NEURL1: variants seen among roughly 807,000 people sequenced by gnomAD.
NEURL1 encodes neuralized E3 ubiquitin protein ligase 1.
In NEURL1, 26 loss-of-function variants were observed where a neutral mutation model predicts 41.2. That is an observed-to-expected ratio of 0.63 (90% CI 0.46 to 0.87). NEURL1 has a LOEUF of 0.87. Among genes scored for constraint, NEURL1 ranks in the 40% least tolerant of loss-of-function variants. The probability of loss-of-function intolerance (pLI) is 0.00; values close to 1 mark genes in which losing one functional copy is unlikely to be tolerated. For missense variants in NEURL1, 761 were observed against 871.1 expected (o/e 0.87, Z 1.59); for synonymous variants, 400 against 402.3 (o/e 0.99, Z 0.07).
rs2133884834 is a variant in NEURL1 at position 103,584,579 on chromosome 10, C to T, written c.693C>T (p.Phe231=). ...VLPDCLRPRS[F]TALRRPSLRR... ...CGGACTGTCTGCGGCCGCGCTCCTTCACCGCCCTGCGGCGGCCGTCGCTGC... is the reference window on the plus strand; with the variant it reads ...CGGACTGTCTGCGGCCGCGCTCCTTTACCGCCCTGCGGCGGCCGTCGCTGC... The change falls in exon 4 of 6, where the codon TTC becomes TTT. Residue 231 remains phenylalanine (F), a synonymous_variant. Coordinates refer to ENST00000369780, the MANE Select transcript of NEURL1 (RefSeq NM_004210.5). The T allele has an allele frequency of 7.1e-7, 1 of 1,417,944 alleles. No individual in the cohort carries two copies. The allele number at this position is 1,417,944 out of a possible 1,614,324, so 87.8% of individuals were successfully genotyped here. A position where few individuals can be genotyped will look rare whatever the true frequency, so the allele number is the denominator to read the frequency against.
At chr10:103,580,681 A>C (rs879858332) in intron 3 of NEURL1, among the ~76,000 whole-genome samples, 15 of 152,134 alleles carry the variant, frequency 9.9e-5, no homozygotes, top group Non-Finnish European at 2.2e-4. Flanking sequence ...GGCTGCCTGC[A>C]GCTGCTCCTG....
intron 1 of NEURL1, among the ~76,000 whole-genome samples, chr10:103,515,611 T>C: frequency 6.6e-6 from 1 of 152,368 alleles, no homozygotes; most frequent in Non-Finnish European, 1.5e-5. Context: ...TCAGTGAGAC[T>C]CTCATTTGCA....
intron 1 of NEURL1, among the ~76,000 whole-genome samples, chr10:103,504,682 G>C (rs1464909609): frequency 1.3e-5 from 2 of 152,188 alleles, no homozygotes; most frequent in African/African-American, 4.8e-5. Flanking sequence ...GCGGTGGGGG[G>C]GTTACGCTCC....
intron 1 of NEURL1, among the ~76,000 whole-genome samples, chr10:103,518,331 C>A (rs1382044446): frequency 1.3e-5 from 2 of 152,134 alleles, no homozygotes; most frequent in Non-Finnish European, 1.5e-5. Context: ...CCTTCCCCCT[C>A]TTCCTCTCCC....
intron 1 of NEURL1, among the ~76,000 whole-genome samples, chr10:103,528,336 C>G (rs2034503002): frequency 6.6e-6 from 1 of 150,944 alleles, no homozygotes; most frequent in East Asian, 1.9e-4. Flanking sequence ...GCCTGGGCAA[C>G]AGAGTGAAAC....
chr10:103,586,384 C>T (rs574827129), intron 4 of NEURL1, among the ~76,000 whole-genome samples: 1 of 152,256 alleles, frequency 6.6e-6, no homozygotes, highest in Admixed American at 6.5e-5. Flanking sequence ...TATTAAAGTG[C>T]AGATTCTTGG....
chr10:103,583,685 C>G (rs1485223546), intron 3 of NEURL1, among the ~76,000 whole-genome samples: 11 of 105,606 alleles, frequency 1.0e-4, no homozygotes, highest in South Asian at 3.6e-4. Context: ...CAGCCTGGGC[C>G]ACAGAGCAAG....
rs756013834 is a variant in NEURL1, at chr10:103,494,483, C to T, written c.85+11C>T. On this transcript the variant is annotated intron_variant, in intron 1 of 5. Coordinates refer to ENST00000369780, the MANE Select transcript of NEURL1 (RefSeq NM_004210.5). ...CCCAGAACCTCAAAGGTAGGCTCCC[C>T]GGCCGAGCGCTGCTGGAGGACTGGG... is the stretch of plus-strand genomic sequence containing the variant. 3 of 1,544,766 alleles carry T rather than the reference C, an allele frequency of 1.9e-6. No homozygotes were observed. The highest frequency in any genetic ancestry group is 2.5e-5 in the East Asian group (1 of 39,328).
chr10:103,565,049 G>C (rs2035389356), intron 1 of NEURL1, among the ~76,000 whole-genome samples: 2 of 152,184 alleles, frequency 1.3e-5, no homozygotes, highest in Non-Finnish European at 2.9e-5. Context: ...GAGTGGCGAG[G>C]CCTGAGTTAG....
chr10:103,556,819 G>T lies in NEURL1; in HGVS notation c.86-14053G>T, dbSNP rs1234138592. Among the ~76,000 whole-genome samples the T allele has an allele frequency of 6.6e-6, 1 of 152,216 alleles. No homozygotes were observed. The highest frequency in any genetic ancestry group is 2.4e-5 in the African/African-American group (1 of 41,452). ...TGAGCCTGGCCTTGCCCGTCTGTGG[G>T]GTGGGGGCTCTTCTCAGGGCTTGCT... On this transcript the variant is annotated intron_variant, in intron 1 of 5. Transcript: ENST00000369780. This position sits in a 1 kb window ranked among gnomAD's most constrained non-coding sequence, Gnocchi z 4.4.
At position 103,517,000 on chromosome 10, in the gene NEURL1, T is replaced by A. The variant is rs544766894; in HGVS notation, c.85+22528T>A. ...TCCCTTCCTTTCTTCCTTCCTTCCC[T>A]CCATCCTTCCTCCCTCCCTCCCTCC... On this transcript the variant is annotated intron_variant, in intron 1 of 5. Transcript: ENST00000369780. Among the ~76,000 whole-genome samples the A allele has an allele frequency of 1.4e-4, 20 of 145,588 alleles. No homozygotes were observed. The South Asian group carries it at 4.4e-3, about 32-fold the overall frequency.
chr10:103,561,059 G>C (rs1477587399), intron 1 of NEURL1, among the ~76,000 whole-genome samples: 3 of 152,306 alleles, frequency 2.0e-5, no homozygotes, highest in African/African-American at 4.8e-5. Flanking sequence ...GCTTCGCAAG[G>C]CTTGCCAAGC....
intron 1 of NEURL1, among the ~76,000 whole-genome samples, chr10:103,524,754 A>G (rs2034426539): frequency 6.6e-6 from 1 of 152,154 alleles, no homozygotes; most frequent in South Asian, 2.1e-4. Flanking sequence ...CAGTTTTGCT[A>G]TAAATACATG....
chr10:103,560,886 A>G (rs1353053435), intron 1 of NEURL1, among the ~76,000 whole-genome samples: 1 of 152,256 alleles, frequency 6.6e-6, no homozygotes, highest in Non-Finnish European at 1.5e-5. Flanking sequence ...TGTTTTAGTC[A>G]TCTATTGCTG....
rs979704968 is a variant in NEURL1, at chr10:103,493,752, G to A, written c.-636G>A. On this transcript the variant is annotated 5_prime_UTR_variant, in exon 1 of 6. Coordinates refer to ENST00000369780, the MANE Select transcript of NEURL1 (RefSeq NM_004210.5). ...CTGTCACCATAACAACCGGAGCGAG[G>A]GAATCCTGGAGACTGCCGGGGCGGG... Among the ~76,000 whole-genome samples, 1 of 151,932 alleles carries A rather than the reference G, an allele frequency of 6.6e-6. No individual in the cohort carries two copies. Among genetic ancestry groups the A allele is most frequent in the African/African-American group, 2.4e-5 (1 of 41,412 alleles).
chr10:103,527,594 C>T (rs1363895427), intron 1 of NEURL1, among the ~76,000 whole-genome samples: 2 of 152,082 alleles, frequency 1.3e-5, no homozygotes, highest in Non-Finnish European at 2.9e-5. Flanking sequence ...TGCACCTGGC[C>T]TATTGTATCT....
intron 1 of NEURL1, 106 bp downstream of exon 1, chr10:103,494,578 A>G: frequency 9.9e-7 from 1 of 1,014,818 alleles, no homozygotes; most frequent in Non-Finnish European, 1.4e-6. Flanking sequence ...GCGTGTCTGG[A>G]GGCCGGAGAT....
chr10:103,496,810 A>G (rs890081110), intron 1 of NEURL1, among the ~76,000 whole-genome samples: 4 of 152,220 alleles, frequency 2.6e-5, no homozygotes, highest in African/African-American at 9.6e-5. Context: ...GGCCCTTAAT[A>G]TTCACAGACT....
intron 1 of NEURL1, among the ~76,000 whole-genome samples, chr10:103,536,739 TA>T (rs938072613): frequency 6.6e-6 from 1 of 152,160 alleles, no homozygotes; most frequent in Non-Finnish European, 1.5e-5. Flanking sequence ...TTTCTGTACT[TA>T]AAAAAATTAT....
Sources: allele counts gnomAD v4.1 joint callset (sites outside exome capture counted in the v4.1 genomes callset), GRCh38; gene constraint gnomAD v4.1.1; non-coding constraint Gnocchi (gnomAD v3.1); transcripts MANE v1.5; gene names NCBI Gene and HGNC (gene_info 2026-07-23, HGNC 2026-07-21).